PIK3C2G: variants seen among roughly 807,000 people sequenced by gnomAD.
PIK3C2G encodes the protein phosphatidylinositol 3-kinase C2 domain-containing subunit gamma.
PIK3C2G carries 168 observed loss-of-function variants against 181.1 expected under a neutral mutation model. The observed-to-expected ratio is 0.93, with a 90% confidence interval of 0.82 to 1.05. The LOEUF is 1.05. PIK3C2G is among the 50% of genes least tolerant of loss of function. PIK3C2G has a pLI of 0.00. For missense variants in PIK3C2G, 1,869 were observed against 1,732.8 expected (o/e 1.08, Z -1.40); for synonymous variants, 573 against 592.2 (o/e 0.97, Z 0.47).
intron 24 of PIK3C2G, among the ~76,000 whole-genome samples, chr12:18,515,112 T>G (rs1942449943): frequency 6.6e-6 from 1 of 152,052 alleles, no homozygotes; most frequent in African/African-American, 2.4e-5. Flanking sequence ...ACTGATCTTT[T>G]TAATGTGTTG....
Position 18,644,794 on chromosome 12 carries a change from G to A in PIK3C2G, c.4309-3082G>A, listed in dbSNP as rs952645244. 2.0e-5 allele frequency among the ~76,000 whole-genome samples: 3 copies of A among 151,974 alleles called. No homozygotes were observed. The East Asian group carries it at 5.8e-4, about 29-fold the overall frequency. On this transcript the variant is annotated intron_variant, in intron 32 of 32. Transcript: ENST00000538779. ...GTTATTCCTACCTGTCTCCTCCCAC[G>A]CAGTACCCCTGTTCTCGCTTTTGAA...
intron 15 of PIK3C2G, among the ~76,000 whole-genome samples, chr12:18,395,711 A>G (rs1428213337): frequency 6.6e-6 from 1 of 151,508 alleles, no homozygotes; most frequent in East Asian, 1.9e-4. Context: ...TAAAATTTAT[A>G]ATAACTTCAA....
downstream of PIK3C2G, among the ~76,000 whole-genome samples, chr12:18,649,776 G>T (rs1950337742): frequency 6.6e-6 from 1 of 152,140 alleles, no homozygotes; most frequent in Non-Finnish European, 1.5e-5. Flanking sequence ...GATACAATGA[G>T]TAACTCTATC....
chr12:18,561,079 A>T (rs527580520), intron 26 of PIK3C2G, among the ~76,000 whole-genome samples: 2 of 152,376 alleles, frequency 1.3e-5, no homozygotes, highest in African/African-American at 4.8e-5. Flanking sequence ...TTGTCAGCTT[A>T]CAAGAATTCA....
the PIK3C2G span, among the ~76,000 whole-genome samples, chr12:18,721,833 G>C: frequency 2.0e-5 from 3 of 151,830 alleles, no homozygotes; most frequent in East Asian, 5.8e-4. Context: ...ATGGTGCTGA[G>C]ACCAAATTGT....
intron 31 of PIK3C2G, among the ~76,000 whole-genome samples, chr12:18,616,035 ATCTATTTACCT>A (rs1233904447): frequency 2.0e-5 from 3 of 152,002 alleles, no homozygotes; most frequent in African/African-American, 7.2e-5. Flanking sequence ...TAGGTCATAC[ATCTATTTACCT>A]TCTATTTACT....
intron 18 of PIK3C2G, among the ~76,000 whole-genome samples, chr12:18,463,304 G>A (rs1330740329): frequency 1.3e-5 from 2 of 152,136 alleles, no homozygotes; most frequent in East Asian, 3.9e-4. Flanking sequence ...ATATCTAATG[G>A]AAATTATATA....
chr12:18,463,313 T>C (rs1226246044), intron 18 of PIK3C2G, among the ~76,000 whole-genome samples: 1 of 152,188 alleles, frequency 6.6e-6, no homozygotes, highest in Non-Finnish European at 1.5e-5. Context: ...GGAAATTATA[T>C]AAGGCAGCAA....
intron 29 of PIK3C2G, among the ~76,000 whole-genome samples, chr12:18,573,280 G>A (rs995837553): frequency 6.6e-6 from 1 of 152,114 alleles, no homozygotes; most frequent in Non-Finnish European, 1.5e-5. Context: ...CAGATTATTC[G>A]AAACTGAACT....
At chr12:18,488,740 T>C (rs544841855) in intron 19 of PIK3C2G, 111 bp downstream of exon 19, 1 of 606,804 alleles carries the variant, frequency 1.6e-6, no homozygotes, top group Non-Finnish European at 2.5e-6. Flanking sequence ...AAATAGAAGA[T>C]ACTTAAATCA....
downstream of PIK3C2G, among the ~76,000 whole-genome samples, chr12:18,652,984 G>T (rs1263350810): frequency 6.6e-6 from 1 of 152,008 alleles, no homozygotes; most frequent in East Asian, 1.9e-4. Flanking sequence ...GTGAGGATGA[G>T]GGAGCTGGAA....
chr12:18,525,982 C>T (rs1943206839), intron 24 of PIK3C2G, among the ~76,000 whole-genome samples: 1 of 152,168 alleles, frequency 6.6e-6, no homozygotes, highest in Admixed American at 6.5e-5. Context: ...TCAGCATTTT[C>T]ATCCCAATAC....
intron 24 of PIK3C2G, among the ~76,000 whole-genome samples, chr12:18,537,687 A>T (rs994367354): frequency 6.6e-6 from 1 of 152,032 alleles, no homozygotes; most frequent in Non-Finnish European, 1.5e-5. Context: ...AATTGGTAAC[A>T]TCTGCTTGCT....
chr12:18,632,673 C>T lies in PIK3C2G; in HGVS notation c.4183-7756C>T, dbSNP rs1056732760. The stretch of plus-strand genomic sequence containing the variant: ...AGTCAAAGTCTGAAGGCCTAAGAAC[C>T]AGGAGTACAAATGGTGTAAGTCCCA... On this transcript the variant is annotated intron_variant, in intron 31 of 32. Coordinates refer to ENST00000538779, the MANE Select transcript of PIK3C2G (RefSeq NM_001288772.2). Among the ~76,000 whole-genome samples, 5 of 151,412 alleles carry T rather than the reference C, an allele frequency of 3.3e-5. No homozygotes were observed. In the South Asian group the frequency reaches 1.0e-3, roughly 32 times the overall value.
At chr12:18,423,894 C>T (rs913379334) in intron 17 of PIK3C2G, 51 bp from the exon 18 acceptor site, 13 of 1,096,236 alleles carry the variant, frequency 1.2e-5, no homozygotes, top group Admixed American at 3.8e-5. Flanking sequence ...CCTCTGTATT[C>T]TGCTATAATT....
chr12:18,244,448 G>A (rs1403631139), upstream of PIK3C2G, among the ~76,000 whole-genome samples: 1 of 151,956 alleles, frequency 6.6e-6, no homozygotes, highest in African/African-American at 2.4e-5. Flanking sequence ...AGAAAATTTA[G>A]TAAACAAGAA....
chr12:18,244,481 A>T (rs1234735384), upstream of PIK3C2G, among the ~76,000 whole-genome samples: 7 of 152,058 alleles, frequency 4.6e-5, no homozygotes, highest in Admixed American at 4.6e-4. Context: ...TTTTGGTAGA[A>T]TTCTGAGCTT....
chr12:18,700,006 T>C, the PIK3C2G span: 23 of 1,461,514 alleles, frequency 1.6e-5, no homozygotes, highest in African/African-American at 1.7e-4. Flanking sequence ...GGAAAAAAAA[T>C]TTTTTCTAGT....
intron 14 of PIK3C2G, among the ~76,000 whole-genome samples, chr12:18,386,034 C>G (rs79438477): frequency 0.033 from 5,013 of 152,180 alleles, 113 homozygotes; most frequent in Non-Finnish European, 0.053. Flanking sequence ...ACTGAACTCC[C>G]TCCTCTTCTT....
Sources: allele counts gnomAD v4.1 joint callset (sites outside exome capture counted in the v4.1 genomes callset), GRCh38; gene constraint gnomAD v4.1.1; transcripts MANE v1.5; gene names NCBI Gene and HGNC (gene_info 2026-07-23, HGNC 2026-07-21).